Variants in RMDN2 observed in about 807,000 individuals in gnomAD.
RMDN2 encodes regulator of microtubule dynamics 2.
A neutral mutation model predicts 52.8 loss-of-function variants in RMDN2; 61 were observed. That is an observed-to-expected ratio of 1.16 (90% CI 0.94 to 1.43). The LOEUF (loss-of-function observed/expected upper bound fraction) is 1.43, where lower values mean the gene tolerates loss of function less well. RMDN2 is among the 40% of genes most tolerant of loss of function. The pLI is 0.00. For synonymous variants in RMDN2, 180 were observed against 153.1 expected, an observed-to-expected ratio of 1.18 and a Z score of -1.30; for missense variants, 592 against 475.3, an observed-to-expected ratio of 1.25 and a Z score of -2.28.
chr2:38,017,133 A>T, intron 10 of RMDN2, 53 bp from the exon 11 acceptor site: 1 of 1,140,778 alleles, frequency 8.8e-7, no homozygotes, highest in Non-Finnish European at 1.2e-6. Context: ...AGCATGCTAG[A>T]GTATCAAGAT....
In RMDN2 at chr2:38,064,057, G is replaced by A. The variant is rs143253092; in HGVS notation, c.1714-2925G>A. Among the ~76,000 whole-genome samples, 689 of 152,216 alleles carry A rather than the reference G, an allele frequency of 4.5e-3. 11 individuals are homozygous for A. Among genetic ancestry groups the A allele is most frequent in the African/African-American group, 0.015 (638 of 41,522 alleles). Reference sequence around the variant, plus strand: ...TACACACAATCACATGTAGAGATATGTACTAAATCATGTAAAATATATTGC... The same window carrying A: ...TACACACAATCACATGTAGAGATATATACTAAATCATGTAAAATATATTGC... On this transcript the variant is annotated intron_variant, in intron 10 of 10. Coordinates refer to the RMDN2 transcript ENST00000234195.
chr2:38,022,758 A>C (rs1161113252), intron 10 of RMDN2, among the ~76,000 whole-genome samples: 1 of 152,228 alleles, frequency 6.6e-6, no homozygotes, highest in Non-Finnish European at 1.5e-5. Flanking sequence ...AAGTTATCAA[A>C]AGGCTTTTCA....
chr2:37,971,132 C>G (rs1488540460), intron 2 of RMDN2, among the ~76,000 whole-genome samples: 1 of 151,798 alleles, frequency 6.6e-6, no homozygotes, highest in Non-Finnish European at 1.5e-5. Flanking sequence ...ATTGCTTAAT[C>G]CAAGATCACA....
downstream of RMDN2, among the ~76,000 whole-genome samples, chr2:38,018,181 G>T (rs1008317771): frequency 6.6e-6 from 1 of 152,194 alleles, no homozygotes; most frequent in African/African-American, 2.4e-5. Flanking sequence ...CTTAGCTTGG[G>T]CTGAGAGGCC....
At chr2:38,062,382 G>A (rs573168614) in intron 10 of RMDN2, among the ~76,000 whole-genome samples, 2 of 152,306 alleles carry the variant, frequency 1.3e-5, no homozygotes, top group South Asian at 4.1e-4. Flanking sequence ...ATTCATTCAA[G>A]TTGTTGTGTG....
chr2:38,010,044 A>G (rs537861127), intron 10 of RMDN2, among the ~76,000 whole-genome samples: 2 of 152,288 alleles, frequency 1.3e-5, no homozygotes, highest in African/African-American at 4.8e-5. Context: ...TGAGCAGCAA[A>G]TGTTGCTGCC....
chr2:38,022,622 A>G (rs985672716), downstream of RMDN2, among the ~76,000 whole-genome samples: 4 of 152,202 alleles, frequency 2.6e-5, no homozygotes, highest in Non-Finnish European at 5.9e-5. Flanking sequence ...AACATTAAAG[A>G]AGTAACTTAG....
At chr2:38,022,121 A>G (rs1295036976), downstream of RMDN2, among the ~76,000 whole-genome samples, 1 of 152,224 alleles carries the variant, frequency 6.6e-6, no homozygotes, top group African/African-American at 2.4e-5. Flanking sequence ...ATCTAGTCTT[A>G]GTTACTCACA....
intron 8 of RMDN2, among the ~76,000 whole-genome samples, chr2:38,002,626 T>C (rs773711681): frequency 6.6e-6 from 1 of 152,358 alleles, no homozygotes; most frequent in Admixed American, 6.5e-5. Context: ...CATTTTGTTT[T>C]GTTTTCAAAA....
At chr2:38,042,164 G>C (rs1243943070) in intron 10 of RMDN2, among the ~76,000 whole-genome samples, 1 of 151,988 alleles carries the variant, frequency 6.6e-6, no homozygotes, top group Admixed American at 6.6e-5. Context: ...TTCTCTTTGT[G>C]TGTGTTTTGA....
intron 5 of RMDN2, among the ~76,000 whole-genome samples, chr2:37,982,415 C>T (rs1319773857): frequency 6.6e-6 from 1 of 152,164 alleles, no homozygotes; most frequent in Non-Finnish European, 1.5e-5. Context: ...CCTCACATAG[C>T]TTTAGATGAG....
intron 10 of RMDN2, among the ~76,000 whole-genome samples, chr2:38,060,113 ATTTTATTTTT>A (rs1274707509): frequency 3.6e-5 from 2 of 56,232 alleles, no homozygotes; most frequent in East Asian, 1.2e-3. Flanking sequence ...ATTTTATTTT[ATTTTATTTTT>A]TTTAGTAGAG....
chr2:37,961,622 A>G (rs752350292), intron 2 of RMDN2, among the ~76,000 whole-genome samples: 1 of 151,846 alleles, frequency 6.6e-6, no homozygotes, highest in Non-Finnish European at 1.5e-5. Context: ...GCTTCCTTGC[A>G]TTGGGTTAGG....
At chr2:38,058,545 C>T (rs1681925928) in intron 10 of RMDN2, among the ~76,000 whole-genome samples, 1 of 152,118 alleles carries the variant, frequency 6.6e-6, no homozygotes, top group Non-Finnish European at 1.5e-5. Context: ...TGTCCCAAGG[C>T]AAAGGTGAAG....
intron 7 of RMDN2, among the ~76,000 whole-genome samples, chr2:37,995,643 A>G (rs1008030876): frequency 6.6e-6 from 1 of 152,194 alleles, no homozygotes; most frequent in African/African-American, 2.4e-5. Context: ...AATAAGCTTG[A>G]TCTAATAAAT....
chr2:38,058,061 C>T (rs549558775), intron 10 of RMDN2, among the ~76,000 whole-genome samples: 9 of 152,302 alleles, frequency 5.9e-5, no homozygotes, highest in South Asian at 4.1e-4. Flanking sequence ...GGAAAATGTC[C>T]GACTCATAAT....
At chr2:37,952,590 T>A in intron 2 of RMDN2, 1 of 285,226 alleles carries the variant, frequency 3.5e-6, no homozygotes, top group Non-Finnish European at 6.5e-6. Flanking sequence ...TATCATACTC[T>A]AATCATTAGA....
intron 4 of RMDN2, among the ~76,000 whole-genome samples, chr2:37,978,263 G>A (rs557156622): frequency 6.7e-6 from 1 of 149,700 alleles, no homozygotes; most frequent in Admixed American, 6.6e-5. Context: ...GAGTCGAGAT[G>A]GCGGCAGTAC....
chr2:38,017,071 C>T, intron 10 of RMDN2, 115 bp from the exon 11 acceptor site: 1 of 490,360 alleles, frequency 2.0e-6, no homozygotes, highest in Non-Finnish European at 3.4e-6. Flanking sequence ...CCCTCATGAA[C>T]CTTAAAGTTC....
Sources: allele counts gnomAD v4.1 joint callset (sites outside exome capture counted in the v4.1 genomes callset), GRCh38; gene constraint gnomAD v4.1.1; transcripts MANE v1.5; gene names NCBI Gene and HGNC (gene_info 2026-07-23, HGNC 2026-07-21).